PIEZO1: variants seen among roughly 807,000 people sequenced by gnomAD.
PIEZO1 encodes the protein piezo type mechanosensitive ion channel component 1 (Er blood group), also known as piezo-type mechanosensitive ion channel component 1.
PIEZO1 carries 296 observed loss-of-function variants against 297.2 expected under a neutral mutation model. That is an observed-to-expected ratio of 1.00 (90% CI 0.91 to 1.10). The LOEUF (loss-of-function observed/expected upper bound fraction) is 1.10, where lower values mean the gene tolerates loss of function less well. Among genes scored for constraint, PIEZO1 ranks in the 50% least tolerant of loss-of-function variants. The pLI, the probability that PIEZO1 is intolerant of heterozygous loss-of-function variation, is 0.00. For synonymous variants in PIEZO1, 2,427 were observed against 1,507.5 expected (o/e 1.61, Z -14.13); for missense variants, 5,018 against 3,455.5 (o/e 1.45, Z -11.34).
At position 88,720,854 on chromosome 16, in the gene PIEZO1, C is replaced by T. The variant is rs1284902857; in HGVS notation, c.5669-106G>A. ...GCATTCTCCCTGTTTGACAGACAAG[C>T]AGACGGAGCACAGGAAAGCTCCCAG... On this transcript the variant is annotated intron_variant, in intron 39 of 50. Transcript: ENST00000301015. 3.9e-6 allele frequency: 5 copies of T among 1,279,236 alleles called. No homozygotes were observed. The African/African-American group carries it at 6.0e-5, about 15-fold the overall frequency. 79.2% of individuals were successfully genotyped at this position (1,279,236 alleles called of 1,614,324 possible). A position where few individuals can be genotyped will look rare whatever the true frequency, so the allele number is the denominator to read the frequency against.
Position 88,721,721 on chromosome 16 carries a change from C to A in PIEZO1, c.5220G>T (p.Ala1740=). Residue 1740 remains alanine (A), a synonymous_variant, in exon 38 of 51, where the codon GCG becomes GCT. Coordinates refer to ENST00000301015, the MANE Select transcript of PIEZO1 (RefSeq NM_001142864.4). ...ACTGGAACAGGTACTTGACGACCAC[C>A]GCGATCTGTGGGGGAGGGGGCTCAG... ...WMTAIVFTEI[A]VVVKYLFQFG... is the part of the protein sequence containing the mutation. 6.5e-7 allele frequency: 1 copy of A among 1,541,386 alleles called. No homozygotes were observed. The highest frequency in any genetic ancestry group is 8.7e-7 in the Non-Finnish European group (1 of 1,142,968).
At chr16:88,769,091 G>C (rs1288252440) in intron 1 of PIEZO1, among the ~76,000 whole-genome samples, 1 of 152,220 alleles carries the variant, frequency 6.6e-6, no homozygotes, top group Non-Finnish European at 1.5e-5. Flanking sequence ...AGTATTTCCA[G>C]TTTAGGATTT....
rs1324665689 is a variant in PIEZO1, at chr16:88,716,740, A to C, written c.6754-9T>G. On this transcript the variant is annotated splice_polypyrimidine_tract_variant and intron_variant, in intron 46 of 50. Coordinates refer to ENST00000301015, the MANE Select transcript of PIEZO1 (RefSeq NM_001142864.4). ...ATGAACTGCATGGCCAGCTGGGTAC[A>C]AGTGACACCCTCAGTGACTGCAGCC... 4.5e-6 allele frequency: 7 copies of C among 1,548,186 alleles called. No homozygotes were observed. Among genetic ancestry groups the C allele is most frequent in the Non-Finnish European group, 5.2e-6 (6 of 1,146,826 alleles).
rs376170647 is a variant in PIEZO1, at chr16:88,720,131, C to T, written c.6102G>A (p.Gln2034=). 3.2e-6 allele frequency: 5 copies of T among 1,550,330 alleles called. No individual in the cohort carries two copies. The African/African-American group carries it at 5.5e-5, about 17-fold the overall frequency. ...RKTVLGKLAF[Q]VALVLAIHLW... ...GGTGGATGGCCAGCACCAGCGCCAC[C>T]TGGAAGGCCAGCTTGCCCAGCACGG... The change falls in exon 42 of 51, where the codon CAG becomes CAA. Residue 2034 remains glutamine, a synonymous_variant. Coordinates refer to ENST00000301015, the MANE Select transcript of PIEZO1 (RefSeq NM_001142864.4).
chr16:88,768,653 C>G (rs1461364406), intron 1 of PIEZO1, among the ~76,000 whole-genome samples: 1 of 152,250 alleles, frequency 6.6e-6, no homozygotes, highest in Non-Finnish European at 1.5e-5. Context: ...GCGCTTCCCT[C>G]TCAGCCGCTC....
intron 22 of PIEZO1, chr16:88,727,902 G>A (rs778654090): frequency 3.5e-5 from 12 of 347,192 alleles, no homozygotes; most frequent in East Asian, 8.7e-5. Flanking sequence ...CAGAGAGCAC[G>A]GGGGTGGGGG....
Position 88,726,355 on chromosome 16 carries a change from G to A in PIEZO1, c.3897C>T (p.Arg1299=), listed in dbSNP as rs1301924146. The change falls in exon 27 of 51, where the codon CGC becomes CGT. Residue 1299 remains arginine, a synonymous_variant. Transcript: ENST00000301015. ...GGTAGTAATGGCTAAGGAAGACGCG[G>A]CGCTGCAGCAGCAGGAAGAAGAAGC... ...SVCFFFLLLQ[R]RVFLSHYYLH... 1.3e-6 allele frequency: 2 copies of A among 1,550,446 alleles called. No homozygotes were observed. Among genetic ancestry groups the A allele is most frequent in the Admixed American group, 2.0e-5 (1 of 51,006 alleles).
chr16:88,717,043 G>C lies in PIEZO1; in HGVS notation c.6640C>G (p.Leu2214Val), dbSNP rs911714449. 2 of 1,550,620 alleles carry C rather than the reference G, an allele frequency of 1.3e-6. No individual in the cohort carries two copies. The highest frequency in any genetic ancestry group is 1.4e-5 in the African/African-American group (1 of 73,062). ...CTCACCTCATAGCCGCCCAGCTTCA[G>C]GGTGACGGTGACATCGATGGGCTGG... is the stretch of plus-strand genomic sequence containing the variant. ...VNQPIDVTVTLKLGGYEPLFT... is the reference protein window; with the variant it reads ...VNQPIDVTVTVKLGGYEPLFT... The change falls in exon 45 of 51, where the codon CTG becomes GTG. Residue 2214 changes from leucine (L) to valine (V), a missense_variant. Transcript: ENST00000301015.
intron 44 of PIEZO1, chr16:88,719,071 C>G (rs1217228267): frequency 6.3e-6 from 1 of 157,888 alleles, no homozygotes; most frequent in Non-Finnish European, 1.4e-5. Flanking sequence ...AGATCTTGAA[C>G]TCCTGGCCTT....
chr16:88,742,204 G>T (rs1389047149), intron 3 of PIEZO1, 96 bp downstream of exon 3: 14 of 1,500,054 alleles, frequency 9.3e-6, no homozygotes, highest in Non-Finnish European at 1.2e-5. Context: ...CATAAATCAG[G>T]CTGAGTCAAC....
At position 88,720,435 on chromosome 16, in the gene PIEZO1, C is replaced by T. The variant is rs2142761453; in HGVS notation, c.5899G>A (p.Ala1967Thr). The T allele has an allele frequency of 1.3e-6, 2 of 1,550,500 alleles. No homozygotes were observed. The highest frequency in any genetic ancestry group is 1.2e-5 in the South Asian group (1 of 84,060). Residue 1967 changes from alanine (A) to threonine (T), a missense_variant, in exon 41 of 51, where the codon GCT becomes ACT. By Grantham distance (58) the Ala-to-Thr change is moderately conservative (BLOSUM62 0). Transcript: ENST00000301015. ...ATGATGATGAAGTCGACAACATCAG[C>T]CAGGAACATGAGGGCATAGACGTCG... ...ATDVYALMFL[A>T]DVVDFIIIIF...
chr16:88,749,118 T>TA lies in PIEZO1; in HGVS notation c.160+265dup, dbSNP rs199684202. 0.021 allele frequency among the ~76,000 whole-genome samples: 3,227 copies of TA among 150,818 alleles called. 39 individuals carry two copies. Among genetic ancestry groups the TA allele is most frequent in the Non-Finnish European group, 0.032 (2,174 of 67,784 alleles). Reference sequence around the variant, plus strand: ...AGCCAGGCGTGGTGGCGGGCGCCTGTAGTCCCAGCTACCCGGGAGGCTGAG... The same window carrying TA: ...AGCCAGGCGTGGTGGCGGGCGCCTGTAAGTCCCAGCTACCCGGGAGGCTGAG... On this transcript the variant is annotated intron_variant, in intron 2 of 50. Coordinates refer to ENST00000301015, the MANE Select transcript of PIEZO1 (RefSeq NM_001142864.4).
Position 88,726,555 on chromosome 16 carries a change from T to G in PIEZO1, c.3788A>C (p.Tyr1263Ser), listed in dbSNP as rs1904449625. ...LFSLVCTVKG[Y>S]YDPKEMMDRD... is the part of the protein sequence containing the mutation. ...CCGTCCTGGCCACTCACGGTCATAG[T>G]AGCCCTTGACGGTGCATACAAGGCT... The change falls in exon 26 of 51, where the codon TAC becomes TCC. Residue 1263 changes from tyrosine to serine, a missense_variant. Tyr to Ser is a moderately radical substitution (Grantham distance 144). Transcript: ENST00000301015. The G allele has an allele frequency of 3.9e-6, 6 of 1,549,936 alleles. No homozygotes were observed. The highest frequency in any genetic ancestry group is 5.2e-6 in the Non-Finnish European group (6 of 1,146,662).
At chr16:88,744,803 C>G (rs1355173364) in intron 2 of PIEZO1, among the ~76,000 whole-genome samples, 2 of 151,994 alleles carry the variant, frequency 1.3e-5, no homozygotes, top group Non-Finnish European at 2.9e-5. Flanking sequence ...GTGGCACGCC[C>G]GCTCCCTGCC....
At chr16:88,723,732 AT>A in intron 31 of PIEZO1, 138 bp downstream of exon 31, 1 of 613,342 alleles carries the variant, frequency 1.6e-6, no homozygotes, top group Admixed American at 2.8e-5. Flanking sequence ...GGAGGCCTGG[AT>A]GGGGCGGGGT....
rs574382276 is a variant in PIEZO1 at position 88,750,767 on chromosome 16, C to T, written c.65-1288G>A. On this transcript the variant is annotated intron_variant, in intron 1 of 50. Transcript: ENST00000301015. The stretch of plus-strand genomic sequence containing the variant: ...GACCTGAGGGACCACTCAGCCTTTC[C>T]GGGGCTACCAGGGAGGACACTGGGA... Among the ~76,000 whole-genome samples, 10 of 152,320 alleles carry T rather than the reference C, an allele frequency of 6.6e-5. No individual in the cohort carries two copies. The East Asian group carries it at 1.5e-3, about 24-fold the overall frequency.
chr16:88,715,404 G>A lies in PIEZO1; in HGVS notation c.*201C>T. On this transcript the variant is annotated 3_prime_UTR_variant, in exon 51 of 51. Transcript: ENST00000301015. ...AAAAAAAACTCTACAGTACACGTGG[G>A]GGACGGCAGCGCCACGCAGGCCGTG... 3 of 990,010 alleles carry A rather than the reference G, an allele frequency of 3.0e-6. No individual in the cohort carries two copies. Among genetic ancestry groups the A allele is most frequent in the South Asian group, 1.7e-5 (1 of 60,088 alleles). 61.3% of individuals were successfully genotyped at this position (990,010 alleles called of 1,614,324 possible). A position where few individuals can be genotyped will look rare whatever the true frequency, so the allele number is the denominator to read the frequency against.
chr16:88,732,726 G>C lies in PIEZO1; in HGVS notation c.2671C>G (p.Pro891Ala). The change falls in exon 20 of 51, where the codon CCC becomes GCC. Residue 891 changes from proline (P) to alanine (A), a missense_variant. By Grantham distance (27) the Pro-to-Ala change is conservative. Transcript: ENST00000301015. ...GTGGGCAGCAAGTTGGTGCTGTTGG[G>C]GAAGGGCTGGCAAGAGGCCAGGCAT... ...EYSSNCTEPF[P>A]NSTNLLPTEI... The C allele has an allele frequency of 6.5e-7, 1 of 1,546,364 alleles. No individual in the cohort carries two copies. The highest frequency in any genetic ancestry group is 8.7e-7 in the Non-Finnish European group (1 of 1,144,686).
chr16:88,773,545 C>T (rs1034019851), intron 1 of PIEZO1, among the ~76,000 whole-genome samples: 1 of 152,212 alleles, frequency 6.6e-6, no homozygotes, highest in Non-Finnish European at 1.5e-5. Flanking sequence ...CCTGGGGGCT[C>T]AAGGCCACCC....
Sources: allele counts gnomAD v4.1 joint callset (sites outside exome capture counted in the v4.1 genomes callset), GRCh38; gene constraint gnomAD v4.1.1; transcripts MANE v1.5; gene names NCBI Gene and HGNC (gene_info 2026-07-23, HGNC 2026-07-21).